The following RGL1 variants were observed in gnomAD, a reference collection of about 807,000 sequenced individuals.
RGL1 encodes the protein ral guanine nucleotide dissociation stimulator like 1.
RGL1 carries 24 observed loss-of-function variants against 95.2 expected under a neutral mutation model. The observed-to-expected ratio is 0.25, with a 90% CI of 0.18 to 0.35. The LOEUF is 0.35. RGL1 is among the 10% of genes least tolerant of loss of function. The probability of loss-of-function intolerance (pLI) is 1.00; values close to 1 mark genes in which losing one functional copy is unlikely to be tolerated. For missense variants in RGL1, 715 were observed against 936.3 expected (o/e 0.76, Z 3.08); for synonymous variants, 329 against 344.9 (o/e 0.95, Z 0.51).
intron 3 of RGL1, among the ~76,000 whole-genome samples, chr1:183,852,633 G>A (rs1269126266): frequency 6.6e-6 from 1 of 152,030 alleles, no homozygotes; most frequent in Non-Finnish European, 1.5e-5. Context: ...GGCCAACATG[G>A]TGAAACCCTG....
chr1:183,925,725 T>C (rs1669577372), intron 17 of RGL1, among the ~76,000 whole-genome samples: 1 of 152,166 alleles, frequency 6.6e-6, no homozygotes, highest in African/African-American at 2.4e-5. Flanking sequence ...GGGTGGAAAA[T>C]GGACTGCAGG....
At chr1:183,797,991 GT>G (rs1423912298) in intron 2 of RGL1, among the ~76,000 whole-genome samples, 2 of 152,174 alleles carry the variant, frequency 1.3e-5, no homozygotes, top group African/African-American at 4.8e-5. Context: ...CTTTATTATA[GT>G]TTATGAGTAA....
chr1:183,889,432 G>C (rs1667293235), intron 8 of RGL1, among the ~76,000 whole-genome samples: 1 of 152,184 alleles, frequency 6.6e-6, no homozygotes, highest in South Asian at 2.1e-4. Flanking sequence ...GTCAGTTTCA[G>C]TTAGGAGGAG....
chr1:183,908,895 C>T (rs1420995195), intron 14 of RGL1, among the ~76,000 whole-genome samples: 1 of 152,220 alleles, frequency 6.6e-6, no homozygotes, highest in African/African-American at 2.4e-5. Flanking sequence ...TCTCTGTACT[C>T]CTCTCCAAGC....
At chr1:183,703,817 G>A (rs189115254) in intron 1 of RGL1, among the ~76,000 whole-genome samples, 100 of 152,296 alleles carry the variant, frequency 6.6e-4, no homozygotes, top group African/African-American at 1.8e-3. Flanking sequence ...AGGGAGCCCT[G>A]GGGTGACACT....
intron 2 of RGL1, among the ~76,000 whole-genome samples, chr1:183,808,411 A>G (rs1268736378): frequency 6.6e-6 from 1 of 152,144 alleles, no homozygotes; most frequent in African/African-American, 2.4e-5. Flanking sequence ...ACAAAGTGTG[A>G]TTTACTGCTA....
chr1:183,876,598 C>T (rs1299562609), intron 4 of RGL1, among the ~76,000 whole-genome samples: 1 of 152,238 alleles, frequency 6.6e-6, no homozygotes, highest in Non-Finnish European at 1.5e-5. Flanking sequence ...AGTTTGGCTT[C>T]AGGAATTACT....
At chr1:183,911,799 G>A (rs912758553) in intron 14 of RGL1, among the ~76,000 whole-genome samples, 4 of 152,162 alleles carry the variant, frequency 2.6e-5, no homozygotes, top group African/African-American at 4.8e-5. Flanking sequence ...ATCCTGCCAA[G>A]GTGGTCCATA....
At chr1:183,801,950 C>G (rs1249782454), upstream of RGL1, among the ~76,000 whole-genome samples, 1 of 152,190 alleles carries the variant, frequency 6.6e-6, no homozygotes, top group Non-Finnish European at 1.5e-5. Context: ...CCAGACACCT[C>G]CCATTAGGCC....
At chr1:183,859,454 G>C (rs979410391) in intron 3 of RGL1, among the ~76,000 whole-genome samples, 3 of 152,186 alleles carry the variant, frequency 2.0e-5, no homozygotes, top group African/African-American at 7.2e-5. Flanking sequence ...GGAAAGAAAG[G>C]TTATTCTCCA....
chr1:183,668,566 G>A (rs1042463992), intron 1 of RGL1, among the ~76,000 whole-genome samples: 4 of 152,014 alleles, frequency 2.6e-5, no homozygotes, highest in African/African-American at 7.2e-5. Context: ...GCCTCCCAAA[G>A]TGTTCAGATT....
At chr1:183,831,275 A>G (rs1443153557) in intron 2 of RGL1, among the ~76,000 whole-genome samples, 2 of 152,204 alleles carry the variant, frequency 1.3e-5, no homozygotes, top group African/African-American at 2.4e-5. Context: ...CATTTAAGGC[A>G]GATGGAACAA....
At chr1:183,651,136 T>C (rs1200759271) in intron 1 of RGL1, among the ~76,000 whole-genome samples, 2 of 152,226 alleles carry the variant, frequency 1.3e-5, no homozygotes. Flanking sequence ...GTCCAGTCTC[T>C]ACTCCTGTGA....
At chr1:183,911,704 C>T (rs1352731360) in intron 14 of RGL1, among the ~76,000 whole-genome samples, 2 of 152,182 alleles carry the variant, frequency 1.3e-5, no homozygotes, top group Non-Finnish European at 2.9e-5. Context: ...TCCTTGGTTT[C>T]TTACCCAAAG....
At chr1:183,776,004 T>G (rs1659575083) in intron 2 of RGL1, among the ~76,000 whole-genome samples, 1 of 152,294 alleles carries the variant, frequency 6.6e-6, no homozygotes, top group South Asian at 2.1e-4. Flanking sequence ...TATTATTAAA[T>G]AAAACATCAA....
intron 1 of RGL1, among the ~76,000 whole-genome samples, chr1:183,642,945 C>T (rs1354421900): frequency 6.6e-6 from 1 of 152,208 alleles, no homozygotes; most frequent in Non-Finnish European, 1.5e-5. Flanking sequence ...TAAACAATAA[C>T]TCCCTGTTCC....
intron 1 of RGL1, among the ~76,000 whole-genome samples, chr1:183,639,741 G>T (rs1649795944): frequency 6.6e-6 from 1 of 151,122 alleles, no homozygotes; most frequent in Non-Finnish European, 1.5e-5. Context: ...TAAATACGTT[G>T]AATTTATTTG....
At chr1:183,877,214 A>G (rs1666546559) in intron 4 of RGL1, among the ~76,000 whole-genome samples, 1 of 152,186 alleles carries the variant, frequency 6.6e-6, no homozygotes, top group Non-Finnish European at 1.5e-5. Context: ...TCTAACAGAC[A>G]TACCAGACCT....
chr1:183,871,709 C>T (rs1396996092), intron 4 of RGL1, among the ~76,000 whole-genome samples: 1 of 152,178 alleles, frequency 6.6e-6, no homozygotes, highest in Non-Finnish European at 1.5e-5. Flanking sequence ...ACAGATGAAG[C>T]ATTCAAGATG....
Sources: allele counts gnomAD v4.1 joint callset (sites outside exome capture counted in the v4.1 genomes callset), GRCh38; gene constraint gnomAD v4.1.1; transcripts MANE v1.5; gene names NCBI Gene and HGNC (gene_info 2026-07-23, HGNC 2026-07-21).